Variants in PTPRK observed in about 807,000 individuals in gnomAD.
PTPRK encodes protein tyrosine phosphatase receptor type K.
PTPRK carries 75 observed loss-of-function variants against 178.0 expected under a neutral mutation model. The ratio of observed to expected loss-of-function variants is 0.42; its 90% CI spans 0.35 to 0.51. The LOEUF (loss-of-function observed/expected upper bound fraction) is 0.51. Ranked by LOEUF, PTPRK falls within the 20% of genes least tolerant of loss-of-function variation. PTPRK has a pLI of 0.02. For synonymous variants in PTPRK, 637 were observed against 620.6 expected, an observed-to-expected ratio of 1.03 and a Z score of -0.39; for missense variants, 1,441 against 1,797.8, an observed-to-expected ratio of 0.80 and a Z score of 3.59.
chr6:128,491,278 G>T (rs949655112), intron 1 of PTPRK, among the ~76,000 whole-genome samples: 5 of 152,244 alleles, frequency 3.3e-5, no homozygotes, highest in Admixed American at 3.3e-4. Flanking sequence ...TCTTGTATTG[G>T]GACAGTGATA....
chr6:128,471,957 TA>T (rs1406021761), intron 1 of PTPRK, among the ~76,000 whole-genome samples: 1 of 144,688 alleles, frequency 6.9e-6, no homozygotes, highest in Non-Finnish European at 1.5e-5. Context: ...CCAAAGAAAA[TA>T]AGAAGACTGA....
At chr6:128,238,270 T>G (rs1473404393) in intron 5 of PTPRK, 1 of 370,722 alleles carries the variant, frequency 2.7e-6, no homozygotes. Context: ...ATATTTTACC[T>G]CTCATCTTTG....
At chr6:128,457,247 T>C (rs1334008472) in intron 1 of PTPRK, among the ~76,000 whole-genome samples, 1 of 152,196 alleles carries the variant, frequency 6.6e-6, no homozygotes, top group Non-Finnish European at 1.5e-5. Flanking sequence ...CCAAGTTTAC[T>C]ATGGAAAATA....
chr6:128,195,192 AT>A (rs1408346393), intron 6 of PTPRK, among the ~76,000 whole-genome samples: 1 of 151,958 alleles, frequency 6.6e-6, no homozygotes, highest in African/African-American at 2.4e-5. Flanking sequence ...TAATTAGAAG[AT>A]TTTTGTGACA....
At chr6:128,300,875 TA>T (rs1246807767) in intron 3 of PTPRK, among the ~76,000 whole-genome samples, 3 of 151,752 alleles carry the variant, frequency 2.0e-5, no homozygotes, top group South Asian at 2.1e-4. Flanking sequence ...AAATAAAATT[TA>T]AAAAAAATTA....
intron 3 of PTPRK, 183 bp downstream of exon 3, chr6:128,321,856 C>T: frequency 1.3e-6 from 1 of 798,010 alleles, no homozygotes; most frequent in Non-Finnish European, 2.1e-6. Context: ...GAAAGAGGGG[C>T]AATCTCTCAT....
intron 3 of PTPRK, among the ~76,000 whole-genome samples, chr6:128,281,834 T>G (rs528649359): frequency 6.6e-6 from 1 of 152,180 alleles, no homozygotes; most frequent in African/African-American, 2.4e-5. Context: ...CTCAAGTTTC[T>G]TTCAACTTCC....
At chr6:127,971,039 A>G (rs1056443936) in intron 29 of PTPRK, among the ~76,000 whole-genome samples, 4 of 152,120 alleles carry the variant, frequency 2.6e-5, no homozygotes, top group Non-Finnish European at 5.9e-5. Context: ...TTTGTCCATC[A>G]GAGTATTTAA....
chr6:128,041,129 A>G (rs966233716), intron 13 of PTPRK, among the ~76,000 whole-genome samples: 3 of 152,140 alleles, frequency 2.0e-5, no homozygotes, highest in Admixed American at 2.0e-4. Flanking sequence ...TGTAAGATCA[A>G]TAGGGGTTAC....
chr6:127,973,931 T>C, intron 27 of PTPRK, 104 bp from the exon 28 acceptor site: 1 of 1,088,376 alleles, frequency 9.2e-7, no homozygotes, highest in Non-Finnish European at 1.3e-6. Context: ...TACACTGGAT[T>C]GAGTCTAGCT....
intron 7 of PTPRK, among the ~76,000 whole-genome samples, chr6:128,125,649 C>T (rs1189590605): frequency 1.1e-4 from 15 of 131,530 alleles, no homozygotes; most frequent in Non-Finnish European, 1.6e-5. Context: ...TTGCTGTGTC[C>T]CTTAGGCTGG....
chr6:128,509,653 A>G (rs1323092075), intron 1 of PTPRK, among the ~76,000 whole-genome samples: 5 of 152,262 alleles, frequency 3.3e-5, no homozygotes. Context: ...AGACTAGACA[A>G]GACATTAAAG....
chr6:128,483,903 G>A (rs1417900), intron 1 of PTPRK, among the ~76,000 whole-genome samples: 42,254 of 151,860 alleles, frequency 0.28, 6,806 homozygotes, highest in African/African-American at 0.43. Flanking sequence ...ATCTTTTTAT[G>A]AAAATAATGG....
intron 3 of PTPRK, among the ~76,000 whole-genome samples, chr6:128,246,160 G>A (rs551924277): frequency 2.2e-3 from 335 of 152,190 alleles, no homozygotes; most frequent in African/African-American, 7.8e-3. Flanking sequence ...CAGAAAAAAA[G>A]TTTTTAAAAA....
intron 3 of PTPRK, among the ~76,000 whole-genome samples, chr6:128,299,803 T>C (rs1200589583): frequency 2.6e-5 from 4 of 152,082 alleles, no homozygotes; most frequent in East Asian, 1.9e-4. Context: ...ATTCAGGACA[T>C]AGGCATGGGA....
chr6:128,494,201 T>TAAAAAAAAAAA lies in PTPRK; in HGVS notation c.100+26047_100+26057dup, dbSNP rs11301155. Among the ~76,000 whole-genome samples the TAAAAAAAAAAA allele has an allele frequency of 1.4e-4, 16 of 112,938 alleles. 1 individual carries two copies. The highest frequency in any genetic ancestry group is 2.5e-4 in the Non-Finnish European group (14 of 54,974). 74.1% of individuals were successfully genotyped at this position (112,938 alleles called of 152,430 possible). On this transcript the variant is annotated intron_variant, in intron 1 of 29. Coordinates refer to ENST00000368226, the MANE Select transcript of PTPRK (RefSeq NM_002844.4). ...GGTAATGTAGCAAGACCCTGTATCT[T>TAAAAAAAAAAA]AAAAAAAAAAAAAAAAAAAAAAGTG...
At chr6:128,388,230 G>A (rs1479957006) in intron 2 of PTPRK, among the ~76,000 whole-genome samples, 2 of 152,136 alleles carry the variant, frequency 1.3e-5, no homozygotes, top group Admixed American at 1.3e-4. Flanking sequence ...ACATAAGGAG[G>A]AGACAACTAA....
chr6:127,995,165 A>G, intron 18 of PTPRK: 1 of 1,310,010 alleles, frequency 7.6e-7, no homozygotes, highest in African/African-American at 1.5e-5. Flanking sequence ...AATAACTAGT[A>G]GTAACAGAGC....
At chr6:128,070,071 A>G (rs1782554700) in intron 11 of PTPRK, among the ~76,000 whole-genome samples, 1 of 152,132 alleles carries the variant, frequency 6.6e-6, no homozygotes, top group Non-Finnish European at 1.5e-5. Context: ...AATTAAGAAA[A>G]TGATTTCCAC....
Sources: allele counts gnomAD v4.1 joint callset (sites outside exome capture counted in the v4.1 genomes callset), GRCh38; gene constraint gnomAD v4.1.1; transcripts MANE v1.5; gene names NCBI Gene and HGNC (gene_info 2026-07-23, HGNC 2026-07-21).